Variants in NIM1K observed in about 807,000 individuals in gnomAD.
The protein encoded by NIM1K is serine/threonine-protein kinase NIM1.
NIM1K carries 35 observed loss-of-function variants against 37.1 expected under a neutral mutation model. The ratio of observed to expected loss-of-function variants is 0.94; its 90% confidence interval spans 0.72 to 1.25. The LOEUF (loss-of-function observed/expected upper bound fraction) is 1.25. Ranked by LOEUF, NIM1K falls within the 50% of genes most tolerant of loss-of-function variation. The pLI is 0.00. For synonymous variants in NIM1K, 234 were observed against 206.6 expected (o/e 1.13, Z -1.14); for missense variants, 564 against 548.0 (o/e 1.03, Z -0.29).
At chr5:43,256,648 T>C (rs142062980) in intron 2 of NIM1K, among the ~76,000 whole-genome samples, 2,910 of 152,324 alleles carry the variant, frequency 0.019, 42 homozygotes, top group Non-Finnish European at 0.029. Flanking sequence ...TCTGTCTCTC[T>C]GCCTCTGGGC....
chr5:43,263,483 A>G (rs11960061), intron 2 of NIM1K, among the ~76,000 whole-genome samples: 193 of 149,196 alleles, frequency 1.3e-3, no homozygotes, highest in African/African-American at 4.3e-3. Context: ...TATTGCCTCT[A>G]TTTGATTCTT....
At chr5:43,206,277 T>C (rs1752109286) in intron 1 of NIM1K, among the ~76,000 whole-genome samples, 1 of 151,832 alleles carries the variant, frequency 6.6e-6, no homozygotes, top group South Asian at 2.1e-4. Flanking sequence ...TCCCATCACT[T>C]TGGGAGGCCC....
At chr5:43,246,550 C>T (rs1001961713) in intron 2 of NIM1K, among the ~76,000 whole-genome samples, 2 of 151,732 alleles carry the variant, frequency 1.3e-5, no homozygotes, top group Non-Finnish European at 1.5e-5. Context: ...CACAGGAGAT[C>T]CCCCCGATGG....
rs1753412130 is a variant in NIM1K at position 43,280,031 on chromosome 5, A to G, written c.613A>G (p.Thr205Ala). The G allele has an allele frequency of 1.2e-6, 2 of 1,613,910 alleles. No individual in the cohort carries two copies. The highest frequency in any genetic ancestry group is 1.7e-6 in the Non-Finnish European group (2 of 1,179,764). ...RDLKAENVFY[T>A]SNTCVKVGDF... is the part of the protein sequence containing the mutation. ...TCTGAAAGCAGAAAATGTATTCTAT[A>G]CCAGTAATACTTGTGTGAAGGTGGG... Residue 205 changes from threonine (T) to alanine (A), a missense_variant, in exon 4 of 4, where the codon ACC (threonine) becomes GCC (alanine). Physicochemically the swap from Thr to Ala is moderately conservative, Grantham distance 58. Transcript: ENST00000326035.
chr5:43,243,611 A>T (rs923251953), intron 1 of NIM1K, among the ~76,000 whole-genome samples: 5 of 152,192 alleles, frequency 3.3e-5, no homozygotes, highest in Admixed American at 3.3e-4. Context: ...AAAGAAAAGG[A>T]AGAAGAATCA....
intron 1 of NIM1K, among the ~76,000 whole-genome samples, chr5:43,209,291 C>T (rs1226430679): frequency 2.0e-5 from 3 of 152,154 alleles, no homozygotes; most frequent in Non-Finnish European, 4.4e-5. Flanking sequence ...TTGAGGTATG[C>T]TTCACTGGGA....
intron 1 of NIM1K, among the ~76,000 whole-genome samples, chr5:43,201,761 C>T (rs1417412862): frequency 6.6e-6 from 1 of 151,896 alleles, no homozygotes; most frequent in Non-Finnish European, 1.5e-5. Flanking sequence ...GAGATTGAAA[C>T]CATCCTGGCC....
intron 1 of NIM1K, among the ~76,000 whole-genome samples, chr5:43,198,201 TTCTTTC>T (rs1370498279): frequency 0.074 from 3,791 of 51,164 alleles, 39 homozygotes; most frequent in Middle Eastern, 0.1. Context: ...CTTTCTTTCT[TTCTTTC>T]TCTTTCTTTC....
At chr5:43,274,710 C>G (rs951624825) in intron 2 of NIM1K, among the ~76,000 whole-genome samples, 1 of 152,224 alleles carries the variant, frequency 6.6e-6, no homozygotes, top group Non-Finnish European at 1.5e-5. Flanking sequence ...TCAGTATTGC[C>G]TCCTGCGAGG....
intron 1 of NIM1K, among the ~76,000 whole-genome samples, chr5:43,243,595 G>A (rs1291209502): frequency 6.6e-6 from 1 of 152,142 alleles, no homozygotes; most frequent in Non-Finnish European, 1.5e-5. Context: ...GGAGGTAGAG[G>A]TGGGTAAAGA....
chr5:43,204,744 C>T (rs966425373), intron 1 of NIM1K, among the ~76,000 whole-genome samples: 3 of 150,366 alleles, frequency 2.0e-5, no homozygotes. Flanking sequence ...TGGTGGCTCA[C>T]GCCTGTAATC....
intron 2 of NIM1K, among the ~76,000 whole-genome samples, chr5:43,248,068 A>G (rs1174402300): frequency 6.6e-6 from 1 of 152,230 alleles, no homozygotes; most frequent in Non-Finnish European, 1.5e-5. Flanking sequence ...AGACTCTTCC[A>G]CCTTAGGACT....
rs190733106 is a variant in NIM1K at position 43,236,792 on chromosome 5, T to C, written c.-694-8290T>C. Among the ~76,000 whole-genome samples, 5 of 152,294 alleles carry C rather than the reference T, an allele frequency of 3.3e-5. No homozygotes were observed. In the East Asian group the frequency reaches 9.6e-4, roughly 29 times the overall value. On this transcript the variant is annotated intron_variant, in intron 1 of 3. Coordinates refer to ENST00000326035, the MANE Select transcript of NIM1K (RefSeq NM_153361.4). The stretch of plus-strand genomic sequence containing the variant: ...ATGCTGGGTGTGAACTGGATGAGGG[T>C]AGACCTGGGCTGAGTAGCCCCGCTC...
chr5:43,206,346 A>T (rs1752110241), intron 1 of NIM1K, among the ~76,000 whole-genome samples: 1 of 151,134 alleles, frequency 6.6e-6, no homozygotes, highest in African/African-American at 2.4e-5. Context: ...AAAATTTTTT[A>T]AAAATTAGCC....
intron 1 of NIM1K, among the ~76,000 whole-genome samples, chr5:43,222,628 G>C (rs751282407): frequency 6.6e-6 from 1 of 152,000 alleles, no homozygotes; most frequent in Non-Finnish European, 1.5e-5. Flanking sequence ...CAGCTACTTG[G>C]GAGGCTGAGA....
chr5:43,265,433 T>A (rs1753129424), intron 2 of NIM1K, among the ~76,000 whole-genome samples: 1 of 152,234 alleles, frequency 6.6e-6, no homozygotes, highest in Admixed American at 6.5e-5. Flanking sequence ...TGTGCATGCA[T>A]CACATAGTTC....
At chr5:43,198,207 C>CTCTTTCTTTCTTTCTTTCCTTCTT in intron 1 of NIM1K, among the ~76,000 whole-genome samples, 2 of 48,904 alleles carry the variant, frequency 4.1e-5, no homozygotes, top group East Asian at 1.4e-3. Flanking sequence ...TTCTTTCTTT[C>CTCTTTCTTTCTTTCTTTCCTTCTT]TCTTTCTTTC....
intron 1 of NIM1K, among the ~76,000 whole-genome samples, chr5:43,198,421 CT>C (rs1373507854): frequency 4.9e-5 from 7 of 144,244 alleles, no homozygotes; most frequent in Admixed American, 2.8e-4. Context: ...TCTTTCTTTC[CT>C]ACTTTCCTTC....
intron 1 of NIM1K, among the ~76,000 whole-genome samples, chr5:43,231,190 G>A (rs1752533131): frequency 6.6e-6 from 1 of 152,154 alleles, no homozygotes; most frequent in South Asian, 2.1e-4. Flanking sequence ...GTTGGCACAA[G>A]CTTGTTGTCG....
Sources: allele counts gnomAD v4.1 joint callset (sites outside exome capture counted in the v4.1 genomes callset), GRCh38; gene constraint gnomAD v4.1.1; transcripts MANE v1.5; gene names NCBI Gene and HGNC (gene_info 2026-07-23, HGNC 2026-07-21).